The following ZNF667 variants were observed in gnomAD, a reference collection of about 807,000 sequenced individuals.
ZNF667 encodes the protein myocardial ischemic preconditioning upregulated 1 ortholog.
In ZNF667, 13 loss-of-function variants were observed where a neutral mutation model predicts 31.8. That is an observed-to-expected ratio of 0.41 (90% confidence interval 0.27 to 0.65). The LOEUF is 0.65. Among genes scored for constraint, ZNF667 ranks in the 30% least tolerant of loss-of-function variants. The pLI is 0.32. For missense variants in ZNF667, 642 were observed against 725.6 expected, an observed-to-expected ratio of 0.88 and a Z score of 1.32; for synonymous variants, 228 against 247.1, an observed-to-expected ratio of 0.92 and a Z score of 0.73.
intron 5 of ZNF667, among the ~76,000 whole-genome samples, chr19:56,459,924 G>C (rs1436596528): frequency 6.6e-6 from 1 of 152,210 alleles, no homozygotes; most frequent in Non-Finnish European, 1.5e-5. Context: ...CCCAGGAGGC[G>C]GAGGTTGCAG....
intron 6 of ZNF667, among the ~76,000 whole-genome samples, chr19:56,447,074 C>T (rs758638001): frequency 6.6e-6 from 1 of 151,516 alleles, no homozygotes; most frequent in Non-Finnish European, 1.5e-5. Context: ...TGAAATCTAC[C>T]CCAAATTCTT....
chr19:56,463,192 G>A (rs544260968), intron 3 of ZNF667, among the ~76,000 whole-genome samples: 1 of 152,254 alleles, frequency 6.6e-6, no homozygotes, highest in African/African-American at 2.4e-5. Context: ...GAGAAGGGGA[G>A]TGACACCATC....
chr19:56,472,266 A>T (rs2043308576), intron 2 of ZNF667, 79 bp from the exon 3 acceptor site: 1 of 152,228 alleles, frequency 6.6e-6, no homozygotes, highest in Admixed American at 6.5e-5. Context: ...TGGCTGTGAA[A>T]AAGTTACACA....
At chr19:56,463,108 C>T (rs984468357) in intron 3 of ZNF667, among the ~76,000 whole-genome samples, 5 of 151,618 alleles carry the variant, frequency 3.3e-5, no homozygotes, top group South Asian at 2.1e-4. Flanking sequence ...CAGGCAGGGC[C>T]GGATCATGAA....
At chr19:56,457,606 T>C (rs1410423150) in intron 6 of ZNF667, among the ~76,000 whole-genome samples, 1 of 152,176 alleles carries the variant, frequency 6.6e-6, no homozygotes, top group Non-Finnish European at 1.5e-5. Context: ...TTACTAAATG[T>C]TGCTTTTTCT....
At chr19:56,461,760 T>C (rs933494432) in intron 4 of ZNF667, among the ~76,000 whole-genome samples, 2 of 152,212 alleles carry the variant, frequency 1.3e-5, no homozygotes, top group Non-Finnish European at 2.9e-5. Flanking sequence ...CACTCAATGA[T>C]TGACAGTCGT....
In ZNF667 at chr19:56,441,391, G is replaced by C. The variant is rs1212704940; in HGVS notation, c.1604C>G (p.Ala535Gly). 2 of 1,613,958 alleles carry C rather than the reference G, an allele frequency of 1.2e-6. No individual in the cohort carries two copies. Among genetic ancestry groups the C allele is most frequent in the East Asian group, 4.5e-5 (2 of 44,876 alleles). Residue 535 changes from alanine (A) to glycine (G), a missense_variant, in exon 7 of 7, where the codon GCC (alanine) becomes GGC (glycine). By Grantham distance (60) the Ala-to-Gly change is moderately conservative. Transcript: ENST00000504904. The surrounding 1 kb of genome is among the most constrained non-coding windows in gnomAD (Gnocchi z 4.2). ...AATAAGAGATGTGCGCTGACTAAAG[G>C]CCTTACCACATGTTTTGCATGTATA... is the stretch of plus-strand genomic sequence containing the variant. The part of the protein sequence containing the change: ...KPYTCKTCGK[A>G]FSQRTSLILH...
intron 6 of ZNF667, among the ~76,000 whole-genome samples, chr19:56,449,928 T>C (rs1272741601): frequency 1.3e-5 from 2 of 150,236 alleles, no homozygotes; most frequent in African/African-American, 2.5e-5. Flanking sequence ...TTTGAAAATA[T>C]AGTCAGAGGA....
chr19:56,465,342 T>C (rs7258501), intron 3 of ZNF667, among the ~76,000 whole-genome samples: 126,541 of 152,270 alleles, frequency 0.83, 52,817 homozygotes, highest in East Asian at 0.92. Flanking sequence ...AGTTAGGTAA[T>C]GGATATGTTT....
intron 6 of ZNF667, among the ~76,000 whole-genome samples, chr19:56,447,049 C>A (rs1292826067): frequency 2.0e-5 from 3 of 151,966 alleles, no homozygotes; most frequent in Admixed American, 2.0e-4. Flanking sequence ...AAAATCATTA[C>A]AAACTAAAAT....
At chr19:56,447,080 T>A (rs2042723915) in intron 6 of ZNF667, among the ~76,000 whole-genome samples, 1 of 145,400 alleles carries the variant, frequency 6.9e-6, no homozygotes, top group South Asian at 2.2e-4. Flanking sequence ...CTACCCCAAA[T>A]TCTTTCTAAC....
chr19:56,457,487 T>C (rs567234119), intron 6 of ZNF667, among the ~76,000 whole-genome samples: 2 of 152,294 alleles, frequency 1.3e-5, no homozygotes, highest in East Asian at 3.9e-4. Context: ...CAAACCTCTC[T>C]GGGCCTGTTT....
intron 3 of ZNF667, among the ~76,000 whole-genome samples, chr19:56,464,169 T>C (rs1417263395): frequency 6.6e-6 from 1 of 152,256 alleles, no homozygotes; most frequent in Non-Finnish European, 1.5e-5. Context: ...ACTGTTTATA[T>C]TGGCTACATG....
At chr19:56,462,127 C>T (rs1483129167) in intron 4 of ZNF667, among the ~76,000 whole-genome samples, 1 of 152,196 alleles carries the variant, frequency 6.6e-6, no homozygotes, top group Non-Finnish European at 1.5e-5. Flanking sequence ...TGGCCATGTG[C>T]ACACTGGGAA....
At chr19:56,459,238 C>T (rs2042994605) in intron 5 of ZNF667, among the ~76,000 whole-genome samples, 1 of 152,144 alleles carries the variant, frequency 6.6e-6, no homozygotes. Flanking sequence ...TTCGACAAAG[C>T]AAACTATTTT....
Position 56,442,213 on chromosome 19 carries a change from G to A in ZNF667, c.782C>T (p.Ala261Val), listed in dbSNP as rs1355437684. Residue 261 changes from alanine to valine, a missense_variant, in exon 7 of 7, where the codon GCC becomes GTC. By Grantham distance (64) the Ala-to-Val change is moderately conservative. Coordinates refer to ENST00000504904, the MANE Select transcript of ZNF667 (RefSeq NM_001321356.2). ...NVCQCRKCGK[A>V]FNQMSSLLLH... is the part of the protein sequence containing the mutation. ...TAAAAGGGATGACATCTGATTGAAG[G>A]CTTTTCCGCACTTTCTGCACTGGCA... The A allele has an allele frequency of 1.9e-6, 3 of 1,613,938 alleles. No individual in the cohort carries two copies. The highest frequency in any genetic ancestry group is 1.7e-5 in the Admixed American group (1 of 59,990).
intron 6 of ZNF667, among the ~76,000 whole-genome samples, chr19:56,450,028 A>G (rs1203552701): frequency 6.6e-6 from 1 of 151,964 alleles, no homozygotes; most frequent in Admixed American, 6.6e-5. Context: ...GCTTAAAGAG[A>G]AGGCAGAGAG....
At chr19:56,469,249 C>T (rs1443449397) in intron 3 of ZNF667, among the ~76,000 whole-genome samples, 2 of 152,212 alleles carry the variant, frequency 1.3e-5, no homozygotes, top group African/African-American at 2.4e-5. Context: ...CACACACCCA[C>T]GCACGCACAT....
intron 3 of ZNF667, chr19:56,468,697 G>C (rs979440129): frequency 3.3e-5 from 5 of 152,236 alleles, no homozygotes; most frequent in Non-Finnish European, 7.3e-5. Flanking sequence ...TTTAGAAATT[G>C]TAAGATTTCA....
Sources: allele counts gnomAD v4.1 joint callset (sites outside exome capture counted in the v4.1 genomes callset), GRCh38; gene constraint gnomAD v4.1.1; non-coding constraint Gnocchi (gnomAD v3.1); transcripts MANE v1.5; gene names NCBI Gene and HGNC (gene_info 2026-07-23, HGNC 2026-07-21).